WRN: variants seen among roughly 807,000 people sequenced by gnomAD.
WRN encodes bifunctional 3'-5' exonuclease/ATP-dependent helicase WRN.
Under a neutral mutation model 180.7 loss-of-function variants are expected in WRN, and 149 were observed. The observed-to-expected ratio is 0.82, with a 90% confidence interval of 0.72 to 0.94. The LOEUF is 0.94. Among genes scored for constraint, WRN ranks in the 40% least tolerant of loss-of-function variants. The pLI, the probability that WRN is intolerant of heterozygous loss-of-function variation, is 0.00. For synonymous variants in WRN, 548 were observed against 568.9 expected, an observed-to-expected ratio of 0.96 and a Z score of 0.52; for missense variants, 1,661 against 1,700.1, an observed-to-expected ratio of 0.98 and a Z score of 0.40.
chr8:31,077,841 ATC>A (rs1813155763), intron 8 of WRN, among the ~76,000 whole-genome samples: 2 of 152,218 alleles, frequency 1.3e-5, no homozygotes, highest in Admixed American at 1.3e-4. Context: ...TGTCCTTGGT[ATC>A]TCTGAAGAAC....
intron 13 of WRN, 98 bp downstream of exon 13, chr8:31,089,063 C>T (rs1813646171): frequency 1.0e-6 from 1 of 983,696 alleles, no homozygotes; most frequent in African/African-American, 1.6e-5. Flanking sequence ...AACAGCACAA[C>T]TTCACTATAG....
At chr8:31,089,033 T>A in intron 13 of WRN, 68 bp downstream of exon 13, 3 of 1,409,586 alleles carry the variant, frequency 2.1e-6, no homozygotes, top group Non-Finnish European at 3.0e-6. Context: ...AAAAGGCAAA[T>A]AACCTGTCTG....
At position 31,064,907 on chromosome 8, in the gene WRN, T is replaced by G. The variant is rs772202608; in HGVS notation, c.356-8T>G. ...AGAACTTATGGAAATAACAAGAAAATGTTACAGTTTTTCCCCAGGGATTAA... is the reference window on the plus strand; with the variant it reads ...AGAACTTATGGAAATAACAAGAAAAGGTTACAGTTTTTCCCCAGGGATTAA... On this transcript the variant is annotated splice_region_variant and splice_polypyrimidine_tract_variant and intron_variant, in intron 4 of 34. Coordinates refer to ENST00000298139, the MANE Select transcript of WRN (RefSeq NM_000553.6). 1 of 1,613,134 alleles carries G rather than the reference T, an allele frequency of 6.2e-7. No homozygotes were observed.
rs1804190097 is a variant in WRN at position 31,173,912 on chromosome 8, ATTTAAC to A, written c.*816_*821del. ...ACACAGAGTTGGGTAAACGATGATT[ATTTAAC>A]TTTAAGCAGTTCACCATCCATTTCA... On this transcript the variant is annotated 3_prime_UTR_variant, in exon 35 of 35. Transcript: ENST00000298139. 1 of 152,216 alleles carries A rather than the reference ATTTAAC, an allele frequency of 6.6e-6. No homozygotes were observed. Among genetic ancestry groups the A allele is most frequent in the Non-Finnish European group, 1.5e-5 (1 of 68,050 alleles). The allele number at this position is 152,216 out of a possible 1,614,324, so 9.4% of individuals were successfully genotyped here.
chr8:31,075,214 T>C (rs1372530943), intron 7 of WRN, among the ~76,000 whole-genome samples: 1 of 152,136 alleles, frequency 6.6e-6, no homozygotes, highest in African/African-American at 2.4e-5. Context: ...ACTGTAGTAA[T>C]CAGGAATAGC....
chr8:31,134,517 G>A (rs576568463), intron 24 of WRN, among the ~76,000 whole-genome samples: 58 of 152,234 alleles, frequency 3.8e-4, no homozygotes, highest in African/African-American at 1.4e-3. Flanking sequence ...AAGGAACTTC[G>A]TTTTAGCTGT....
intron 16 of WRN, among the ~76,000 whole-genome samples, chr8:31,093,935 G>A (rs1452960403): frequency 6.6e-6 from 1 of 152,114 alleles, no homozygotes; most frequent in African/African-American, 2.4e-5. Flanking sequence ...GTGATTAATA[G>A]TTCATTCCTC....
In WRN at chr8:31,132,467, A is replaced by G. The variant is rs1332999931; in HGVS notation, c.2928A>G (p.Lys976=). The G allele has an allele frequency of 6.2e-7, 1 of 1,614,158 alleles. No homozygotes were observed. The highest frequency in any genetic ancestry group is 1.3e-5 in the African/African-American group (1 of 75,056). The stretch of plus-strand genomic sequence containing the variant: ...CTGCTGTGGACATCTTAGGCGAAAA[A>G]TTTGGAATTGGGCTTCCAATTTTAT... The part of the protein sequence containing the change: ...LLSAVDILGE[K]FGIGLPILFL... Residue 976 remains lysine, a synonymous_variant, in exon 24 of 35, where the codon AAA becomes AAG. Transcript: ENST00000298139.
chr8:31,146,925 C>T lies in WRN; in HGVS notation c.3384-128C>T, dbSNP rs539414551. 55 of 727,628 alleles carry T rather than the reference C, an allele frequency of 7.6e-5. No homozygotes were observed. In the East Asian group the frequency reaches 1.3e-3, roughly 17 times the overall value. The allele number at this position is 727,628 out of a possible 1,614,324, so 45.1% of individuals were successfully genotyped here. A position where few individuals can be genotyped will look rare whatever the true frequency, so the allele number is the denominator to read the frequency against. ...TGTTGTCATTTAAATAACAAATTAC[C>T]TTACTGGTATCATGAAGAATAAATG... On this transcript the variant is annotated intron_variant, in intron 28 of 34. Transcript: ENST00000298139.
intron 23 of WRN, among the ~76,000 whole-genome samples, chr8:31,129,607 GA>G (rs1242793466): frequency 6.6e-6 from 1 of 151,894 alleles, no homozygotes; most frequent in African/African-American, 2.4e-5. Context: ...CATATTCAAA[GA>G]AAAAATCAAA....
At chr8:31,067,579 G>A (rs1812760551) in intron 6 of WRN, among the ~76,000 whole-genome samples, 1 of 152,028 alleles carries the variant, frequency 6.6e-6, no homozygotes, top group East Asian at 1.9e-4. Context: ...TTTAAAACTG[G>A]CCTTATTTCT....
intron 1 of WRN, among the ~76,000 whole-genome samples, chr8:31,048,909 C>T (rs890934299): frequency 5.3e-5 from 8 of 151,968 alleles, no homozygotes; most frequent in African/African-American, 1.7e-4. Flanking sequence ...TATTCTTTTC[C>T]ACACACATGA....
intron 33 of WRN, among the ~76,000 whole-genome samples, chr8:31,160,443 T>G (rs1803567274): frequency 1.3e-5 from 2 of 152,174 alleles, no homozygotes; most frequent in South Asian, 4.1e-4. Flanking sequence ...CTAATCTTCC[T>G]AACTTCAGAA....
chr8:31,125,097 T>C, intron 23 of WRN, 97 bp downstream of exon 23: 1 of 1,186,482 alleles, frequency 8.4e-7, no homozygotes, highest in Non-Finnish European at 1.2e-6. Flanking sequence ...AGTATTTCAG[T>C]TTTTTAAACA....
rs568097688 is a variant in WRN, at chr8:31,175,834, AAT to A, written c.*2735_*2736del. Among the ~76,000 whole-genome samples, 192 of 152,358 alleles carry A rather than the reference AAT, an allele frequency of 1.3e-3. 1 individual carries two copies. The highest frequency in any genetic ancestry group is 2.2e-3 in the Non-Finnish European group (152 of 68,046). ...AATGCTGCTGTTCTCAGTTTTTAAA[AAT>A]ATGTTTTTTAAAAGTATTTATGTTA... is the stretch of plus-strand genomic sequence containing the variant. On this transcript the variant is annotated 3_prime_UTR_variant, in exon 35 of 35. Coordinates refer to ENST00000298139, the MANE Select transcript of WRN (RefSeq NM_000553.6).
In WRN at chr8:31,111,924, A is replaced by G. The variant is rs182909343; in HGVS notation, c.2273+125A>G. On this transcript the variant is annotated intron_variant, in intron 19 of 34. Transcript: ENST00000298139. ...ATTTAACATATTTCAAATTCCACCT[A>G]GTTTTGGTTCAAGTCAAGCATGATG... 4.0e-6 allele frequency: 5 copies of G among 1,248,082 alleles called. No individual in the cohort carries two copies. In the African/African-American group the frequency reaches 7.6e-5, roughly 19 times the overall value. 77.3% of individuals were successfully genotyped at this position (1,248,082 alleles called of 1,614,324 possible).
intron 33 of WRN, 42 bp downstream of exon 33, chr8:31,157,572 G>A (rs370274112): frequency 2.5e-6 from 4 of 1,611,304 alleles, no homozygotes; most frequent in East Asian, 4.5e-5. Flanking sequence ...ATGACTTGAT[G>A]AAGTAAACAA....
chr8:31,151,578 G>C (rs1216945433), intron 31 of WRN, among the ~76,000 whole-genome samples: 2 of 152,140 alleles, frequency 1.3e-5, no homozygotes, highest in East Asian at 3.9e-4. Flanking sequence ...ATACCTACCA[G>C]CGGTAATTGA....
intron 28 of WRN, among the ~76,000 whole-genome samples, chr8:31,145,587 A>C (rs1802827703): frequency 6.6e-6 from 1 of 152,208 alleles, no homozygotes; most frequent in Admixed American, 6.5e-5. Context: ...TGCTCGCTTA[A>C]CATCCATTCT....
Sources: allele counts gnomAD v4.1 joint callset (sites outside exome capture counted in the v4.1 genomes callset), GRCh38; gene constraint gnomAD v4.1.1; transcripts MANE v1.5; gene names NCBI Gene and HGNC (gene_info 2026-07-23, HGNC 2026-07-21).